ELP4: variants seen among roughly 807,000 people sequenced by gnomAD.
ELP4 encodes elongator acetyltransferase complex subunit 4, also known as elongator complex protein 4.
ELP4 carries 51 observed loss-of-function variants against 48.9 expected under a neutral mutation model. The observed-to-expected ratio is 1.04, with a 90% CI of 0.83 to 1.32. The LOEUF (loss-of-function observed/expected upper bound fraction) is 1.32. ELP4 is among the 40% of genes most tolerant of loss of function. The probability of loss-of-function intolerance (pLI) is 0.00; values close to 1 mark genes in which losing one functional copy is unlikely to be tolerated. For synonymous variants in ELP4, 210 were observed against 189.2 expected (o/e 1.11, Z -0.90); for missense variants, 519 against 514.6 (o/e 1.01, Z -0.08).
chr11:31,612,662 T>A (rs1378922945), intron 5 of ELP4, among the ~76,000 whole-genome samples: 1 of 152,204 alleles, frequency 6.6e-6, no homozygotes, highest in African/African-American at 2.4e-5. Flanking sequence ...GTAGATTTAC[T>A]AATCTTAATA....
chr11:31,701,297 T>A (rs1181910192), intron 9 of ELP4, among the ~76,000 whole-genome samples: 3 of 152,158 alleles, frequency 2.0e-5, no homozygotes, highest in African/African-American at 7.2e-5. Flanking sequence ...TTTTGAGGAC[T>A]TAATATTATA....
intron 2 of ELP4, among the ~76,000 whole-genome samples, chr11:31,528,302 A>G (rs1378073571): frequency 6.6e-6 from 1 of 152,154 alleles, no homozygotes; most frequent in Non-Finnish European, 1.5e-5. Flanking sequence ...CAATTAAATT[A>G]TATTGGTAAG....
chr11:31,699,209 G>C (rs1946471232), intron 9 of ELP4, among the ~76,000 whole-genome samples: 1 of 152,114 alleles, frequency 6.6e-6, no homozygotes, highest in South Asian at 2.1e-4. Flanking sequence ...GAGGAGGGAA[G>C]CCTCTTGGCA....
intron 3 of ELP4, among the ~76,000 whole-genome samples, chr11:31,549,454 T>G (rs1181079257): frequency 6.6e-6 from 1 of 152,060 alleles, no homozygotes; most frequent in Non-Finnish European, 1.5e-5. Context: ...CTCACACCAG[T>G]TAGAATGGCA....
chr11:31,748,751 C>T (rs1947653689), intron 9 of ELP4, among the ~76,000 whole-genome samples: 2 of 151,890 alleles, frequency 1.3e-5, no homozygotes, highest in Admixed American at 6.6e-5. Context: ...CACCTGTAAC[C>T]ACAGCACTTT....
At chr11:31,632,068 G>T in intron 6 of ELP4, 149 bp from the exon 7 acceptor site, 1 of 554,986 alleles carries the variant, frequency 1.8e-6, no homozygotes, top group Non-Finnish European at 3.1e-6. Flanking sequence ...CATTTATACT[G>T]CTTTATGTAC....
chr11:31,723,830 T>C lies in ELP4; in HGVS notation c.1144-59563T>C, dbSNP rs567895385. On this transcript the variant is annotated intron_variant, in intron 9 of 9. Coordinates refer to ENST00000640961, the MANE Select transcript of ELP4 (RefSeq NM_019040.5). ...GATCATATTTATAAACACTGTACAG[T>C]GTTCGAGGCTTTGTCTTAAAGCAAA... Among the ~76,000 whole-genome samples the C allele has an allele frequency of 1.8e-4, 27 of 152,284 alleles. 1 individual carries two copies. In the South Asian group the frequency reaches 5.0e-3, roughly 28 times the overall value.
At chr11:31,678,541 G>GTGTA (rs1266702044) in intron 9 of ELP4, among the ~76,000 whole-genome samples, 47 of 71,306 alleles carry the variant, frequency 6.6e-4, no homozygotes, top group African/African-American at 3.6e-3. Context: ...GTGTGTGTGT[G>GTGTA]TATATGTGCA....
At chr11:31,727,743 A>G (rs1050532679) in intron 9 of ELP4, 13 of 152,204 alleles carry the variant, frequency 8.5e-5, no homozygotes, top group African/African-American at 3.1e-4. Context: ...ATGAAGAATT[A>G]TTGAATAATG....
intron 1 of ELP4, chr11:31,512,098 T>C (rs1956020764): frequency 6.6e-6 from 1 of 152,238 alleles, no homozygotes; most frequent in South Asian, 2.1e-4. Context: ...ATTTTCTGTA[T>C]AAGCAGTTTA....
At chr11:31,745,212 T>C (rs1361652207) in intron 9 of ELP4, among the ~76,000 whole-genome samples, 1 of 152,168 alleles carries the variant, frequency 6.6e-6, no homozygotes, top group Non-Finnish European at 1.5e-5. Context: ...CAAGGAGAAC[T>C]ACAAACCACT....
At chr11:31,522,976 C>T (rs1956238955) in intron 2 of ELP4, among the ~76,000 whole-genome samples, 1 of 151,874 alleles carries the variant, frequency 6.6e-6, no homozygotes, top group Non-Finnish European at 1.5e-5. Context: ...CCTCCCTTCT[C>T]AGTCTCCTGA....
At chr11:31,619,716 A>C (rs1056911118) in intron 5 of ELP4, among the ~76,000 whole-genome samples, 4 of 151,084 alleles carry the variant, frequency 2.6e-5, no homozygotes, top group Non-Finnish European at 5.9e-5. Flanking sequence ...TTTGTTACAT[A>C]AGCAAACTTG....
In ELP4 at chr11:31,687,510, T is replaced by C. The variant is rs182095854; in HGVS notation, c.1143+37289T>C. Among the ~76,000 whole-genome samples the C allele has an allele frequency of 3.8e-3, 576 of 152,310 alleles. 5 individuals are homozygous for C. The highest frequency in any genetic ancestry group is 0.013 in the African/African-American group (550 of 41,570). On this transcript the variant is annotated intron_variant, in intron 9 of 9. Transcript: ENST00000640961. The stretch of plus-strand genomic sequence containing the variant: ...GCAATATGAGGCTCATAGGTGACCA[T>C]TGACCAAGAAGTTTCAGGGGCATAG...
At chr11:31,762,225 A>G (rs1453690371) in intron 9 of ELP4, 5 of 152,190 alleles carry the variant, frequency 3.3e-5, no homozygotes, top group Non-Finnish European at 7.4e-5. Flanking sequence ...CCTATGCACA[A>G]ATTAGATTAT....
At chr11:31,632,594 A>C (rs1944885809) in intron 7 of ELP4, 189 bp downstream of exon 7, 1 of 442,012 alleles carries the variant, frequency 2.3e-6, no homozygotes, top group Non-Finnish European at 3.9e-6. Context: ...TCAATTTGTA[A>C]AGTTCCTTGA....
At chr11:31,532,170 G>A (rs561721933) in intron 2 of ELP4, among the ~76,000 whole-genome samples, 5 of 152,222 alleles carry the variant, frequency 3.3e-5, no homozygotes, top group Admixed American at 6.5e-5. Context: ...ATAACTTAAC[G>A]AATTAGCATG....
chr11:31,623,390 T>TATAAAA (rs67986763), intron 5 of ELP4, among the ~76,000 whole-genome samples: 9 of 92,580 alleles, frequency 9.7e-5, no homozygotes, highest in Middle Eastern at 8.6e-3. Flanking sequence ...TATATATATA[T>TATAAAA]AAAACTAGAA....
intron 6 of ELP4, among the ~76,000 whole-genome samples, chr11:31,630,567 G>A (rs966163546): frequency 3.3e-5 from 5 of 151,964 alleles, no homozygotes; most frequent in Non-Finnish European, 7.4e-5. Flanking sequence ...GACCTTAGGC[G>A]ATCTGCCCTC....
Sources: allele counts gnomAD v4.1 joint callset (sites outside exome capture counted in the v4.1 genomes callset), GRCh38; gene constraint gnomAD v4.1.1; transcripts MANE v1.5; gene names NCBI Gene and HGNC (gene_info 2026-07-23, HGNC 2026-07-21).